Variants in TMEM26 observed in about 807,000 individuals in gnomAD.
TMEM26 encodes transmembrane protein 26.
In TMEM26, 38 loss-of-function variants were observed where a neutral mutation model predicts 28.8. That is an observed-to-expected ratio of 1.32 (90% CI 1.02 to 1.73). The LOEUF is 1.73. TMEM26 is among the 40% of genes most tolerant of loss of function. TMEM26 has a pLI of 0.00. For missense variants in TMEM26, 518 were observed against 447.1 expected, an observed-to-expected ratio of 1.16 and a Z score of -1.43; for synonymous variants, 227 against 182.9, an observed-to-expected ratio of 1.24 and a Z score of -1.95.
chr10:61,446,219 G>A lies in TMEM26; in HGVS notation c.191+6672C>T, dbSNP rs554878928. Reference sequence around the variant, plus strand: ...GGAGTAAAGCATGGTACTAATTTTTGAAGAAGACTCTTGTCCTAAACCATG... The same window carrying A: ...GGAGTAAAGCATGGTACTAATTTTTAAAGAAGACTCTTGTCCTAAACCATG... On this transcript the variant is annotated intron_variant, in intron 1 of 5. Transcript: ENST00000399298. Among the ~76,000 whole-genome samples the A allele has an allele frequency of 2.0e-5, 3 of 152,246 alleles. No homozygotes were observed. In the South Asian group the frequency reaches 6.2e-4, roughly 32 times the overall value.
intron 4 of TMEM26, among the ~76,000 whole-genome samples, chr10:61,424,077 G>T (rs193229904): frequency 1.3e-5 from 2 of 152,260 alleles, no homozygotes; most frequent in African/African-American, 4.8e-5. Context: ...GACATTGAAA[G>T]AAGTTCTTGC....
intron 4 of TMEM26, among the ~76,000 whole-genome samples, chr10:61,416,665 T>A (rs974111427): frequency 2.0e-5 from 3 of 151,998 alleles, no homozygotes; most frequent in Non-Finnish European, 4.4e-5. Flanking sequence ...AATAAAAAAA[T>A]TTACTTCATA....
chr10:61,417,495 C>G (rs1462245443), intron 4 of TMEM26, among the ~76,000 whole-genome samples: 1 of 143,908 alleles, frequency 6.9e-6, no homozygotes, highest in Non-Finnish European at 1.5e-5. Context: ...CAAATACCAC[C>G]AGAAAAGGAA....
At chr10:61,417,450 G>C (rs932980886) in intron 4 of TMEM26, among the ~76,000 whole-genome samples, 2 of 148,136 alleles carry the variant, frequency 1.4e-5, no homozygotes, top group African/African-American at 4.9e-5. Context: ...AGAATCAGTG[G>C]ATAGAATTCA....
intron 5 of TMEM26, chr10:61,412,842 G>T: frequency 1.2e-6 from 1 of 805,960 alleles, no homozygotes; most frequent in Non-Finnish European, 1.8e-6. Flanking sequence ...TGCAGCCCTA[G>T]ATTATTGCTA....
At chr10:61,421,961 T>G (rs1041552032) in intron 4 of TMEM26, among the ~76,000 whole-genome samples, 4 of 151,790 alleles carry the variant, frequency 2.6e-5, no homozygotes, top group African/African-American at 9.7e-5. Context: ...AATTTGAAAG[T>G]AAAAGAATAA....
chr10:61,431,464 TC>T, intron 2 of TMEM26, 132 bp from the exon 3 acceptor site: 1 of 574,890 alleles, frequency 1.7e-6, no homozygotes, highest in Non-Finnish European at 3.0e-6. Context: ...TATAAACATT[TC>T]CAAAAATCGG....
At chr10:61,419,019 AC>A (rs1839699713) in intron 4 of TMEM26, among the ~76,000 whole-genome samples, 1 of 152,178 alleles carries the variant, frequency 6.6e-6, no homozygotes, top group African/African-American at 2.4e-5. Context: ...CTGACCAAAA[AC>A]TACATAGCCA....
Position 61,410,536 on chromosome 10 carries a change from A to G in TMEM26, c.893T>C (p.Val298Ala). 6.2e-7 allele frequency: 1 copy of G among 1,614,090 alleles called. No individual in the cohort carries two copies. The highest frequency in any genetic ancestry group is 1.7e-5 in the Admixed American group (1 of 60,012). Residue 298 changes from valine (V) to alanine (A), a missense_variant, in exon 6 of 6, where the codon GTG becomes GCG. Transcript: ENST00000399298. ...CACCACCAAGCGGTAGAGTTGCAAC[A>G]CCACCACGAGGAAGTTCTTCGCGGC... Reference protein sequence around the residue: ...FFAAKNFLVVVLQLYRLVVLA... With the variant: ...FFAAKNFLVVALQLYRLVVLA...
rs1398853485 is a variant in TMEM26, at chr10:61,431,312, T to A, written c.291A>T (p.Glu97Asp). ...TTCTGCTGGTATTCTGTGATGTTCC[T>A]TCAGCCTGGATACTGCAATACTAAG... ...HETQYCSIQAEGTSQNTSRKE... is the reference protein window; with the variant it reads ...HETQYCSIQADGTSQNTSRKE... Residue 97 changes from glutamate (E) to aspartate (D), a missense_variant, in exon 3 of 6, where the codon GAA (glutamate) becomes GAT (aspartate). Glu to Asp is a conservative substitution (Grantham distance 45, BLOSUM62 2). Coordinates refer to ENST00000399298, the MANE Select transcript of TMEM26 (RefSeq NM_178505.8). 1.9e-6 allele frequency: 3 copies of A among 1,613,068 alleles called. No individual in the cohort carries two copies. Among genetic ancestry groups the A allele is most frequent in the Non-Finnish European group, 1.7e-6 (2 of 1,179,254 alleles).
intron 4 of TMEM26, among the ~76,000 whole-genome samples, chr10:61,418,396 T>C (rs116044030): frequency 2.6e-5 from 4 of 152,122 alleles, no homozygotes; most frequent in Admixed American, 1.3e-4. Context: ...TTGAGAAAGA[T>C]ATTGTTGGTT....
chr10:61,415,077 C>A (rs1227928480), intron 4 of TMEM26: 1 of 985,126 alleles, frequency 1.0e-6, no homozygotes, highest in Non-Finnish European at 1.2e-6. Context: ...TTCTCACATG[C>A]ACATATGGCA....
Position 61,452,969 on chromosome 10 carries a change from A to T in TMEM26, c.113T>A (p.Leu38Gln). ...TEVKKEPRYW[L>Q]LALLNLLLFL... The stretch of plus-strand genomic sequence containing the variant: ...GAGCAAGAGGTTGAGCAGCGCAAGC[A>T]GCCAGTACCGCGGCTCCTTCTTCAC... Residue 38 changes from leucine (L) to glutamine (Q), a missense_variant, in exon 1 of 6, where the codon CTG (leucine) becomes CAG (glutamine). Coordinates refer to ENST00000399298, the MANE Select transcript of TMEM26 (RefSeq NM_178505.8). 6.2e-7 allele frequency: 1 copy of T among 1,614,100 alleles called. No homozygotes were observed. Among genetic ancestry groups the T allele is most frequent in the Non-Finnish European group, 8.5e-7 (1 of 1,180,026 alleles).
intron 5 of TMEM26, among the ~76,000 whole-genome samples, chr10:61,411,159 C>T (rs566962563): frequency 2.0e-5 from 3 of 152,300 alleles, no homozygotes; most frequent in Admixed American, 1.3e-4. Flanking sequence ...ATGCTCAAGG[C>T]CTCAAGTCAG....
intron 4 of TMEM26, among the ~76,000 whole-genome samples, chr10:61,428,316 T>C (rs1839865106): frequency 6.6e-6 from 1 of 152,062 alleles, no homozygotes; most frequent in Non-Finnish European, 1.5e-5. Flanking sequence ...GTGGCAAAAA[T>C]AAAAGTACCA....
intron 5 of TMEM26, among the ~76,000 whole-genome samples, 159 bp downstream of exon 5, chr10:61,413,300 G>T (rs1030908565): frequency 2.6e-5 from 4 of 152,068 alleles, no homozygotes; most frequent in Non-Finnish European, 4.4e-5. Flanking sequence ...CACTCTTCTT[G>T]GCTTACTAAG....
chr10:61,447,639 C>A (rs892317161), intron 1 of TMEM26, among the ~76,000 whole-genome samples: 3 of 152,114 alleles, frequency 2.0e-5, no homozygotes, highest in Non-Finnish European at 4.4e-5. Flanking sequence ...TCTAGGGATA[C>A]TGGAATAATA....
chr10:61,435,361 G>C (rs541885160), intron 2 of TMEM26, among the ~76,000 whole-genome samples: 1 of 152,060 alleles, frequency 6.6e-6, no homozygotes, highest in South Asian at 2.1e-4. Flanking sequence ...TTGTATTTTC[G>C]GTAGATACAG....
At position 61,407,624 on chromosome 10, in the gene TMEM26, G is replaced by A. The variant is rs1197382229; in HGVS notation, c.*2698C>T. 1 of 152,126 alleles carries A rather than the reference G, an allele frequency of 6.6e-6. No individual in the cohort carries two copies. Among genetic ancestry groups the A allele is most frequent in the African/African-American group, 2.4e-5 (1 of 41,436 alleles). The allele number at this position is 152,126 out of a possible 1,614,324, so 9.4% of individuals were successfully genotyped here. ...AGTATCATTGAAACATGCACATTGT[G>A]TTTTCTTTCACAAGTGGAATGACAT... On this transcript the variant is annotated 3_prime_UTR_variant, in exon 6 of 6. Coordinates refer to ENST00000399298, the MANE Select transcript of TMEM26 (RefSeq NM_178505.8).
Sources: gnomAD v4.1 joint callset for allele counts (sites outside exome capture counted in the v4.1 genomes callset) on GRCh38, gnomAD v4.1.1 for gene constraint, MANE v1.5 for transcripts, NCBI Gene and HGNC (gene_info 2026-07-23, HGNC 2026-07-21) for gene names.